The following PPP4R1 variants were observed in gnomAD, a reference collection of about 807,000 sequenced individuals.
PPP4R1 encodes the protein serine/threonine-protein phosphatase 4 regulatory subunit 1.
Under a neutral mutation model 111.2 loss-of-function variants are expected in PPP4R1, and 42 were observed. The observed-to-expected ratio is 0.38, with a 90% CI of 0.29 to 0.49. The LOEUF is 0.49. Among genes scored for constraint, PPP4R1 ranks in the 20% least tolerant of loss-of-function variants. The pLI is 0.97. For synonymous variants in PPP4R1, 409 were observed against 405.5 expected (o/e 1.01, Z -0.10); for missense variants, 1,012 against 1,161.6 (o/e 0.87, Z 1.87).
Position 9,553,378 on chromosome 18 carries a change from C to T in PPP4R1, c.2235G>A (p.Gln745=), listed in dbSNP as rs768488058. ...DKRREYLYQL[Q]EFLVTDNSRN... is the part of the protein sequence containing the mutation. ...TACTATTATCTGTCACCAAAAACTC[C>T]TGAAGTTGATAAAGATATTCTCTTC... Residue 745 remains glutamine, a synonymous_variant, in exon 16 of 20, where the codon CAG becomes CAA. Coordinates refer to ENST00000400556, the MANE Select transcript of PPP4R1 (RefSeq NM_001042388.3). The T allele has an allele frequency of 1.2e-6, 2 of 1,601,740 alleles. No homozygotes were observed. The highest frequency in any genetic ancestry group is 1.1e-5 in the South Asian group (1 of 90,826).
rs1031950488 is a variant in PPP4R1 at position 9,577,264 on chromosome 18, T to C, written c.919-73A>G. ...ATTATATACGCACACATTATGTATA[T>C]TTAATAATCTACTTTCAAATGCCGA... On this transcript the variant is annotated intron_variant, in intron 9 of 19. Transcript: ENST00000400556. 2.8e-6 allele frequency: 4 copies of C among 1,413,840 alleles called. No homozygotes were observed. In the African/African-American group the frequency reaches 4.4e-5, roughly 16 times the overall value. The allele number at this position is 1,413,840 out of a possible 1,614,324, so 87.6% of individuals were successfully genotyped here. A position where few individuals can be genotyped will look rare whatever the true frequency, so the allele number is the denominator to read the frequency against.
At chr18:9,558,911 G>A (rs569811672) in intron 14 of PPP4R1, among the ~76,000 whole-genome samples, 4 of 152,064 alleles carry the variant, frequency 2.6e-5, no homozygotes, top group African/African-American at 9.7e-5. Flanking sequence ...AAGGGGTTGG[G>A]GGTGGTGTGT....
At chr18:9,610,810 A>C (rs534442415) in intron 2 of PPP4R1, among the ~76,000 whole-genome samples, 9 of 152,122 alleles carry the variant, frequency 5.9e-5, no homozygotes, top group Admixed American at 2.0e-4. Context: ...ACTTACCTTT[A>C]TAAGTTACTT....
chr18:9,556,753 T>A (rs944568797), intron 15 of PPP4R1, among the ~76,000 whole-genome samples: 2 of 152,056 alleles, frequency 1.3e-5, no homozygotes, highest in African/African-American at 4.8e-5. Context: ...ACAACAGGGG[T>A]TTGAACTGCA....
chr18:9,616,798 A>C (rs1489351618), upstream of PPP4R1, among the ~76,000 whole-genome samples: 4 of 152,236 alleles, frequency 2.6e-5, no homozygotes, highest in Non-Finnish European at 5.9e-5. Context: ...GCTAGGCCTC[A>C]GTAAGTTTTA....
intron 10 of PPP4R1, among the ~76,000 whole-genome samples, chr18:9,572,075 T>C (rs916433313): frequency 6.6e-6 from 1 of 152,188 alleles, no homozygotes; most frequent in Non-Finnish European, 1.5e-5. Flanking sequence ...TTTCCACTTA[T>C]TGCATGCTGC....
chr18:9,582,717 C>T (rs538339133), intron 9 of PPP4R1, among the ~76,000 whole-genome samples: 2 of 152,076 alleles, frequency 1.3e-5, no homozygotes, highest in Non-Finnish European at 2.9e-5. Context: ...ACAAAGGCAC[C>T]ATAAGAAAAC....
chr18:9,600,054 A>G (rs1423564128), intron 2 of PPP4R1, among the ~76,000 whole-genome samples: 1 of 152,154 alleles, frequency 6.6e-6, no homozygotes, highest in East Asian at 1.9e-4. Context: ...ATACTTAAGA[A>G]GCCTACTCCT....
At chr18:9,593,170 C>T (rs1256856395) in intron 4 of PPP4R1, among the ~76,000 whole-genome samples, 2 of 151,918 alleles carry the variant, frequency 1.3e-5, no homozygotes, top group Non-Finnish European at 2.9e-5. Context: ...TTTCTAAAAT[C>T]AAGTATAAAA....
chr18:9,615,861 T>G (rs892217968), upstream of PPP4R1, among the ~76,000 whole-genome samples: 3 of 152,226 alleles, frequency 2.0e-5, no homozygotes, highest in African/African-American at 7.2e-5. Flanking sequence ...TCCTCTGAGA[T>G]TCCTAAATCT....
intron 11 of PPP4R1, 26 bp from the exon 12 acceptor site, chr18:9,563,576 A>G: frequency 6.6e-7 from 1 of 1,526,044 alleles, no homozygotes; most frequent in Non-Finnish European, 8.9e-7. Context: ...GGAAATGGAC[A>G]AAGTGAGAAA....
chr18:9,549,431 C>G lies in PPP4R1; in HGVS notation c.2548-93G>C. On this transcript the variant is annotated intron_variant, in intron 18 of 19. Coordinates refer to ENST00000400556, the MANE Select transcript of PPP4R1 (RefSeq NM_001042388.3). ...CAAAATCTCTGAGTGACCACAGGTACAAATTTTAGTTATTGCTTTTTAACC... is the reference window on the plus strand; with the variant it reads ...CAAAATCTCTGAGTGACCACAGGTAGAAATTTTAGTTATTGCTTTTTAACC... 2.0e-6 allele frequency: 3 copies of G among 1,465,412 alleles called. No homozygotes were observed. In the South Asian group the frequency reaches 3.8e-5, roughly 19 times the overall value. 90.8% of individuals were successfully genotyped at this position (1,465,412 alleles called of 1,614,324 possible). A position where few individuals can be genotyped will look rare whatever the true frequency, so the allele number is the denominator to read the frequency against.
At chr18:9,579,616 A>G (rs1191552172) in intron 9 of PPP4R1, among the ~76,000 whole-genome samples, 2 of 152,074 alleles carry the variant, frequency 1.3e-5, no homozygotes, top group Non-Finnish European at 2.9e-5. Context: ...CTGTATCCAC[A>G]GGTTCTGTGG....
Position 9,570,270 on chromosome 18 carries a change from T to A in PPP4R1, c.1460A>T (p.Glu487Val). 6.2e-7 allele frequency: 1 copy of A among 1,611,414 alleles called. No individual in the cohort carries two copies. The highest frequency in any genetic ancestry group is 8.5e-7 in the Non-Finnish European group (1 of 1,178,946). The change falls in exon 11 of 20, where the codon GAA becomes GTA. Residue 487 changes from glutamate (E) to valine (V), a missense_variant. Physicochemically the swap from Glu to Val is moderately radical, Grantham distance 121. Coordinates refer to ENST00000400556, the MANE Select transcript of PPP4R1 (RefSeq NM_001042388.3). ...ACTGGGCACAGGGCCCTCAGATTCT[T>A]CCTCTGGTCCCTCTGGGCTGGGTTT... Reference protein sequence around the residue: ...GGKPSPEGPEEESEGPVPSSP... With the variant: ...GGKPSPEGPEVESEGPVPSSP...
At chr18:9,615,970 G>A (rs2067683532), upstream of PPP4R1, among the ~76,000 whole-genome samples, 1 of 152,190 alleles carries the variant, frequency 6.6e-6, no homozygotes, top group Non-Finnish European at 1.5e-5. Context: ...ATTTCTAGGA[G>A]TAATAAAAAT....
At chr18:9,615,687 CAA>C (rs963230473), upstream of PPP4R1, among the ~76,000 whole-genome samples, 14 of 152,326 alleles carry the variant, frequency 9.2e-5, no homozygotes, top group East Asian at 5.8e-4. Context: ...AAGTGACCAA[CAA>C]AACACCAAGC....
At chr18:9,556,393 A>G (rs926264330) in intron 15 of PPP4R1, among the ~76,000 whole-genome samples, 2 of 151,866 alleles carry the variant, frequency 1.3e-5, no homozygotes, top group Admixed American at 6.6e-5. Context: ...AGGTTTCACC[A>G]TGTTGGCCAG....
intron 14 of PPP4R1, among the ~76,000 whole-genome samples, chr18:9,557,921 T>C (rs2145025695): frequency 6.6e-6 from 1 of 152,348 alleles, no homozygotes. Context: ...CAGATTCCTG[T>C]ACAGCCAAAC....
intron 11 of PPP4R1, among the ~76,000 whole-genome samples, chr18:9,564,737 T>TGGGGGGG (rs201070259): frequency 1.0e-4 from 7 of 67,982 alleles, no homozygotes; most frequent in African/African-American, 3.8e-4. Context: ...TGTGTGTGTG[T>TGGGGGGG]GGGGGTATCA....
Sources: allele counts gnomAD v4.1 joint callset (sites outside exome capture counted in the v4.1 genomes callset), GRCh38; gene constraint gnomAD v4.1.1; transcripts MANE v1.5; gene names NCBI Gene and HGNC (gene_info 2026-07-23, HGNC 2026-07-21).